The following ARID1B variants were observed in gnomAD, a reference collection of about 807,000 sequenced individuals.
The protein encoded by ARID1B is AT-rich interaction domain 1B, also known as AT-rich interactive domain-containing protein 1B.
ARID1B carries 30 observed loss-of-function variants against 212.3 expected under a neutral mutation model. That is an observed-to-expected ratio of 0.14 (90% CI 0.11 to 0.19). The LOEUF is 0.19. Among genes scored for constraint, ARID1B ranks in the 10% least tolerant of loss-of-function variants. The probability of loss-of-function intolerance (pLI) is 1.00; values close to 1 mark genes in which losing one functional copy is unlikely to be tolerated. For synonymous variants in ARID1B, 1,402 were observed against 1,301.7 expected (o/e 1.08, Z -1.66); for missense variants, 2,891 against 3,204.0 (o/e 0.90, Z 2.36).
At chr6:156,869,381 T>C (rs2128141068) in intron 2 of ARID1B, among the ~76,000 whole-genome samples, 1 of 152,350 alleles carries the variant, frequency 6.6e-6, no homozygotes, top group South Asian at 2.1e-4. Context: ...TTTTTTGAAT[T>C]TGAAATTTGC....
At chr6:157,077,544 C>A (rs1309684282) in intron 4 of ARID1B, among the ~76,000 whole-genome samples, 1 of 152,182 alleles carries the variant, frequency 6.6e-6, no homozygotes, top group Non-Finnish European at 1.5e-5. Flanking sequence ...TGTGGATTGT[C>A]CCCTCTGCTT....
intron 4 of ARID1B, among the ~76,000 whole-genome samples, chr6:156,971,799 C>T (rs1776947856): frequency 6.6e-6 from 1 of 152,186 alleles, no homozygotes; most frequent in Non-Finnish European, 1.5e-5. Context: ...CTTTAAGGAG[C>T]TCTCCTGCTT....
intron 4 of ARID1B, among the ~76,000 whole-genome samples, chr6:156,977,973 G>T (rs4870503): frequency 0.25 from 38,003 of 151,904 alleles, 5,476 homozygotes; most frequent in East Asian, 0.4. Context: ...CCTCTCTGGC[G>T]GGTGGGAGCA....
At chr6:156,891,665 T>C (rs1787931514) in intron 2 of ARID1B, among the ~76,000 whole-genome samples, 1 of 152,182 alleles carries the variant, frequency 6.6e-6, no homozygotes. Context: ...TTAAATATAG[T>C]GTAAAATGAG....
chr6:157,108,806 T>C (rs1247300428), intron 5 of ARID1B, among the ~76,000 whole-genome samples: 1 of 152,198 alleles, frequency 6.6e-6, no homozygotes, highest in Admixed American at 6.5e-5. Flanking sequence ...TTATCCCGAC[T>C]AGTTATGGTT....
intron 4 of ARID1B, among the ~76,000 whole-genome samples, chr6:157,053,410 A>G (rs1026618227): frequency 6.6e-6 from 1 of 152,290 alleles, no homozygotes; most frequent in East Asian, 1.9e-4. Context: ...TAAGCTAGCT[A>G]TTCTGAAGAT....
chr6:156,999,817 G>A (rs1778806882), intron 4 of ARID1B, among the ~76,000 whole-genome samples: 1 of 152,234 alleles, frequency 6.6e-6, no homozygotes, highest in Non-Finnish European at 1.5e-5. Flanking sequence ...ACAGGCGTGA[G>A]CCACCATGCC....
intron 4 of ARID1B, among the ~76,000 whole-genome samples, chr6:157,046,791 A>G (rs530917645): frequency 6.6e-6 from 1 of 152,320 alleles, no homozygotes; most frequent in Admixed American, 6.5e-5. Flanking sequence ...CTTCTTTCCT[A>G]ATTTCCTTTA....
At chr6:157,019,215 G>C (rs932906314) in intron 4 of ARID1B, among the ~76,000 whole-genome samples, 9 of 152,208 alleles carry the variant, frequency 5.9e-5, no homozygotes, top group African/African-American at 1.9e-4. Flanking sequence ...GAATGGGTTG[G>C]AAAGAGCCTG....
chr6:157,106,403 T>C (rs1344728313), intron 5 of ARID1B, among the ~76,000 whole-genome samples: 3 of 152,214 alleles, frequency 2.0e-5, no homozygotes, highest in Non-Finnish European at 4.4e-5. Context: ...AACAATCTAC[T>C]TCCAGTTTCA....
intron 16 of ARID1B, chr6:157,198,558 C>T (rs1055153692): frequency 3.3e-5 from 16 of 478,102 alleles, no homozygotes; most frequent in Middle Eastern, 5.3e-4. Context: ...CCTGCTCAAC[C>T]GGTATTCCTC....
At chr6:157,179,936 CTT>C (rs959592545) in intron 11 of ARID1B, among the ~76,000 whole-genome samples, 5 of 151,738 alleles carry the variant, frequency 3.3e-5, no homozygotes, top group African/African-American at 1.2e-4. Flanking sequence ...GGAAAAAAAA[CTT>C]AAGAATTCTG....
At chr6:157,021,017 C>T (rs756113358) in intron 4 of ARID1B, among the ~76,000 whole-genome samples, 1 of 152,226 alleles carries the variant, frequency 6.6e-6, no homozygotes, top group Admixed American at 6.5e-5. Context: ...AACAGCGGCC[C>T]GGAATCTCCC....
chr6:157,096,018 G>T (rs552944902), intron 5 of ARID1B, among the ~76,000 whole-genome samples: 1 of 152,270 alleles, frequency 6.6e-6, no homozygotes, highest in East Asian at 1.9e-4. Flanking sequence ...TCAGATCTTT[G>T]TCCCTAGAGC....
At chr6:157,079,064 G>A (rs1562599604) in intron 4 of ARID1B, among the ~76,000 whole-genome samples, 1 of 152,128 alleles carries the variant, frequency 6.6e-6, no homozygotes, top group Non-Finnish European at 1.5e-5. Flanking sequence ...TTAAGGGTGT[G>A]TACTGTACAT....
At chr6:157,136,255 C>T (rs1788900862) in intron 7 of ARID1B, among the ~76,000 whole-genome samples, 1 of 152,176 alleles carries the variant, frequency 6.6e-6, no homozygotes, top group African/African-American at 2.4e-5. Context: ...CTGATTCACC[C>T]ATTCTCTTAA....
chr6:157,086,558 C>G (rs758295352), intron 5 of ARID1B, among the ~76,000 whole-genome samples: 13 of 152,166 alleles, frequency 8.5e-5, no homozygotes, highest in Non-Finnish European at 1.8e-4. Context: ...TGAAAACTTT[C>G]TTGAGGTATA....
chr6:156,856,588 A>G (rs1263612228), intron 2 of ARID1B, among the ~76,000 whole-genome samples: 2 of 152,196 alleles, frequency 1.3e-5, no homozygotes, highest in Admixed American at 6.5e-5. Flanking sequence ...GTGTCTTATT[A>G]TAAAAACACT....
chr6:156,998,212 CTT>C (rs569837054), intron 4 of ARID1B, among the ~76,000 whole-genome samples: 69 of 137,502 alleles, frequency 5.0e-4, no homozygotes, highest in Middle Eastern at 3.9e-3. Context: ...ATCTCTCTCT[CTT>C]TTTTTTTTTT....
Sources: allele counts gnomAD v4.1 joint callset (sites outside exome capture counted in the v4.1 genomes callset), GRCh38; gene constraint gnomAD v4.1.1; transcripts MANE v1.5; gene names NCBI Gene and HGNC (gene_info 2026-07-23, HGNC 2026-07-21).